The following WDR90 variants were observed in gnomAD, a reference collection of about 807,000 sequenced individuals.
WDR90 encodes WD repeat-containing protein 90.
WDR90 carries 238 observed loss-of-function variants against 195.2 expected under a neutral mutation model. The ratio of observed to expected loss-of-function variants is 1.22; its 90% CI spans 1.10 to 1.36. The LOEUF (loss-of-function observed/expected upper bound fraction) is 1.36. Ranked by LOEUF, WDR90 falls within the 40% of genes most tolerant of loss-of-function variation. The pLI is 0.00. For synonymous variants in WDR90, 1,265 were observed against 1,052.4 expected (o/e 1.20, Z -3.91); for missense variants, 2,734 against 2,439.5 (o/e 1.12, Z -2.54).
Position 655,064 on chromosome 16 carries a change from C to T in WDR90, c.1473C>T (p.Leu491=), listed in dbSNP as rs376735907. ...CCTGGGGCACCGGCCAGGTGGGCCT[C>T]GGTGGCGAGGTGGTCGTTCTGGCAA... is the stretch of plus-strand genomic sequence containing the variant. The part of the protein sequence containing the change: ...VVAWGTGQVG[L]GGEVVVLAKA... Residue 491 remains leucine (L), a synonymous_variant, in exon 14 of 41, where the codon CTC becomes CTT. Transcript: ENST00000293879. 60 of 1,612,618 alleles carry T rather than the reference C, an allele frequency of 3.7e-5. No homozygotes were observed. Among genetic ancestry groups the T allele is most frequent in the South Asian group, 1.3e-4 (12 of 91,084 alleles).
intron 13 of WDR90, 69 bp from the exon 14 acceptor site, chr16:654,960 C>T (rs930099020): frequency 1.1e-5 from 16 of 1,509,518 alleles, no homozygotes; most frequent in Middle Eastern, 1.7e-4. Context: ...TGGGGCTCGG[C>T]TGGGCCTTGC....
At position 652,457 on chromosome 16, in the gene WDR90, G is replaced by A. The variant is rs1397196365; in HGVS notation, c.1054-10G>A. 4 of 1,598,454 alleles carry A rather than the reference G, an allele frequency of 2.5e-6. No individual in the cohort carries two copies. Among genetic ancestry groups the A allele is most frequent in the Admixed American group, 3.5e-5 (2 of 57,720 alleles). On this transcript the variant is annotated splice_polypyrimidine_tract_variant and intron_variant, in intron 9 of 40. Transcript: ENST00000293879. ...GCCTCCCAGGACTTTGATGCGAATGGCTGTTTCAGGGCTTCCTCCCAGACC... is the reference window on the plus strand; with the variant it reads ...GCCTCCCAGGACTTTGATGCGAATGACTGTTTCAGGGCTTCCTCCCAGACC...
At chr16:649,510 C>T in intron 1 of WDR90, 84 bp downstream of exon 1, 1 of 1,271,122 alleles carries the variant, frequency 7.9e-7, no homozygotes, top group Non-Finnish European at 9.9e-7. Context: ...CGCTCAGGGC[C>T]CCCGCCTAGG....
At position 655,406 on chromosome 16, in the gene WDR90, GT is replaced by G. The variant is rs1460486495; in HGVS notation, c.1658del (p.Phe553SerfsTer238). ...ACTTAGGGGAGCACCACGCGCTGCA[GT>G]TCACCGACCTGGCCTTCAAGCAGGC... Reference protein sequence around the residue: ...VDLGEHHALQFTDLAFKQARD... With the variant: ...VDLGEHHALQXTDLAFKQARD... On this transcript the variant is annotated frameshift_variant, in exon 15 of 41. Transcript: ENST00000293879. LOFTEE classifies it high-confidence loss of function. 1 of 1,592,400 alleles carries G rather than the reference GT, an allele frequency of 6.3e-7. No homozygotes were observed. Among genetic ancestry groups the G allele is most frequent in the Non-Finnish European group, 8.5e-7 (1 of 1,174,728 alleles).
Position 666,986 on chromosome 16 carries a change from G to A in WDR90, c.5086G>A (p.Ala1696Thr), listed in dbSNP as rs2038092962. The A allele has an allele frequency of 1.3e-6, 2 of 1,591,722 alleles. No homozygotes were observed. Among genetic ancestry groups the A allele is most frequent in the Non-Finnish European group, 1.7e-6 (2 of 1,169,020 alleles). Reference sequence around the variant, plus strand: ...GACCCACCTCCTGGCTGTTGGCTTTGCTGGTGAGTGCTGGTGGATGCAGTT... The same window carrying A: ...GACCCACCTCCTGGCTGTTGGCTTTACTGGTGAGTGCTGGTGGATGCAGTT... Reference protein sequence around the residue: ...PGTHLLAVGFAECMLRLVDCA... With the variant: ...PGTHLLAVGFTECMLRLVDCA... Residue 1696 changes from alanine (A) to threonine (T), a missense_variant, in exon 40 of 41, where the codon GCT (alanine) becomes ACT (threonine). Physicochemically the swap from Ala to Thr is moderately conservative, Grantham distance 58 (BLOSUM62 0). Coordinates refer to ENST00000293879, the MANE Select transcript of WDR90 (RefSeq NM_145294.5).
intron 34 of WDR90, 143 bp from the exon 35 acceptor site, chr16:665,536 T>C (rs1256961868): frequency 7.3e-7 from 1 of 1,373,558 alleles, no homozygotes; most frequent in Non-Finnish European, 1.0e-6. Flanking sequence ...CATTGCTCCT[T>C]TCCGCCATGT....
At position 651,712 on chromosome 16, in the gene WDR90, G is replaced by T. The variant is rs751257140; in HGVS notation, c.805G>T (p.Val269Leu). 332 of 1,613,020 alleles carry T rather than the reference G, an allele frequency of 2.1e-4. No homozygotes were observed. Among genetic ancestry groups the T allele is most frequent in the Non-Finnish European group, 2.7e-4 (318 of 1,180,020 alleles). Residue 269 changes from valine to leucine, a missense_variant, in exon 8 of 41, where the codon GTG becomes TTG. Coordinates refer to ENST00000293879, the MANE Select transcript of WDR90 (RefSeq NM_145294.5). The stretch of plus-strand genomic sequence containing the variant: ...CTCCAGCAAACCTGTGCGGTTCAGT[G>T]TGTCTCCAGTGGTCCAGACGCCCAG... ...VASSKPVRFS[V>L]SPVVQTPSPT...
chr16:649,207 G>A (rs1003565522), upstream of WDR90: 12 of 474,490 alleles, frequency 2.5e-5, no homozygotes, highest in East Asian at 4.3e-4. Flanking sequence ...GGGGCAAAGG[G>A]CAGCGGGATT....
In WDR90 at chr16:650,094, G is replaced by A. The variant is rs757760965; in HGVS notation, c.206G>A (p.Gly69Glu). Residue 69 changes from glycine to glutamate, a missense_variant, in exon 3 of 41, where the codon GGA (glycine) becomes GAA (glutamate). By Grantham distance (98) the Gly-to-Glu change is moderately conservative. Coordinates refer to ENST00000293879, the MANE Select transcript of WDR90 (RefSeq NM_145294.5). ...AGCACCCAGTCTCTGGGGCTGACGG[G>A]ACGATACCTGTATGTGCTCTTTCGG... ...KSSTQSLGLT[G>E]RYLYVLFRPL... is the part of the protein sequence containing the mutation. The A allele has an allele frequency of 7.4e-6, 12 of 1,612,976 alleles. No individual in the cohort carries two copies. In the Admixed American group the frequency reaches 2.0e-4, roughly 27 times the overall value.
chr16:663,023 C>G lies in WDR90; in HGVS notation c.4311+179C>G, dbSNP rs1036930613. The G allele has an allele frequency of 1.3e-5, 12 of 954,536 alleles. No individual in the cohort carries two copies. In the African/African-American group the frequency reaches 2.0e-4, roughly 16 times the overall value. The allele number at this position is 954,536 out of a possible 1,614,324, so 59.1% of individuals were successfully genotyped here. Reference sequence around the variant, plus strand: ...TGTGCACGTCCCCTCAAAGCCGTCCCGGTTGTGTCTGCACAAGCGAGCCGC... The same window carrying G: ...TGTGCACGTCCCCTCAAAGCCGTCCGGGTTGTGTCTGCACAAGCGAGCCGC... On this transcript the variant is annotated intron_variant, in intron 34 of 40. Transcript: ENST00000293879.
At position 666,434 on chromosome 16, in the gene WDR90, C is replaced by A. The variant is rs543242792; in HGVS notation, c.4741-21C>A. The A allele has an allele frequency of 7.5e-6, 12 of 1,608,860 alleles. No individual in the cohort carries two copies. In the South Asian group the frequency reaches 1.2e-4, roughly 16 times the overall value. On this transcript the variant is annotated intron_variant, in intron 37 of 40. Coordinates refer to ENST00000293879, the MANE Select transcript of WDR90 (RefSeq NM_145294.5). ...ATCTTGGCAGAAGGCACCTGTCGGC[C>A]CTCACCCACTCCATTCCCAGTGTGA...
rs377544293 is a variant in WDR90 at position 655,050 on chromosome 16, G to A, written c.1459G>A (p.Gly487Ser). Residue 487 changes from glycine (G) to serine (S), a missense_variant, in exon 14 of 41, where the codon GGC (glycine) becomes AGC (serine). Transcript: ENST00000293879. Reference protein sequence around the residue: ...GRTMVVAWGTGQVGLGGEVVV... With the variant: ...GRTMVVAWGTSQVGLGGEVVV... Reference sequence around the variant, plus strand: ...GCAGATGGTGGTGGCCTGGGGCACCGGCCAGGTGGGCCTCGGTGGCGAGGT... The same window carrying A: ...GCAGATGGTGGTGGCCTGGGGCACCAGCCAGGTGGGCCTCGGTGGCGAGGT... 3.5e-5 allele frequency: 56 copies of A among 1,612,664 alleles called. No individual in the cohort carries two copies. Among genetic ancestry groups the A allele is most frequent in the African/African-American group, 3.5e-4 (26 of 75,052 alleles).
Position 667,607 on chromosome 16 carries a change from G to T in WDR90, c.*18G>T. On this transcript the variant is annotated 3_prime_UTR_variant, in exon 41 of 41. Transcript: ENST00000293879. Reference sequence around the variant, plus strand: ...GCCTCTGAGATGCAGCAGGGACTGTGGTGGTGGGCATCACGCCTGGTCATG... The same window carrying T: ...GCCTCTGAGATGCAGCAGGGACTGTTGTGGTGGGCATCACGCCTGGTCATG... 1 of 1,603,828 alleles carries T rather than the reference G, an allele frequency of 6.2e-7. No individual in the cohort carries two copies. The highest frequency in any genetic ancestry group is 8.5e-7 in the Non-Finnish European group (1 of 1,179,874).
In WDR90 at chr16:661,100, C is replaced by T. The variant is rs759798517; in HGVS notation, c.3441C>T (p.His1147=). ...GCCTGGTGGTGGTGGAGGACCTGCA[C>T]TCTGGCGCCCAGCAGCACTGGTCCG... The part of the protein sequence containing the change: ...CGRLVVVEDL[H]SGAQQHWSGH... Residue 1147 remains histidine (H), a synonymous_variant, in exon 29 of 41, where the codon CAC becomes CAT. Coordinates refer to ENST00000293879, the MANE Select transcript of WDR90 (RefSeq NM_145294.5). 7.0e-6 allele frequency: 11 copies of T among 1,563,776 alleles called. No homozygotes were observed. The highest frequency in any genetic ancestry group is 3.4e-6 in the Non-Finnish European group (4 of 1,162,892).
In WDR90 at chr16:656,436, G is replaced by T. The variant is rs199805518; in HGVS notation, c.2101G>T (p.Ala701Ser). 6.2e-7 allele frequency: 1 copy of T among 1,602,108 alleles called. No homozygotes were observed. Among genetic ancestry groups the T allele is most frequent in the Non-Finnish European group, 8.5e-7 (1 of 1,177,200 alleles). ...CCACATGCTGGCTCGCTCCCACACC[G>T]CCCCGGTGTTGGCCCTCGCCATGGA... is the stretch of plus-strand genomic sequence containing the variant. ...VYHMLARSHT[A>S]PVLALAMEQR... is the part of the protein sequence containing the mutation. Residue 701 changes from alanine to serine, a missense_variant, in exon 18 of 41, where the codon GCC (alanine) becomes TCC (serine). Ala to Ser is a moderately conservative substitution (Grantham distance 99, BLOSUM62 1). Transcript: ENST00000293879.
chr16:658,773 C>T lies in WDR90; in HGVS notation c.2895+120C>T, dbSNP rs917214941. 5.8e-6 allele frequency: 9 copies of T among 1,552,788 alleles called. No homozygotes were observed. In the East Asian group the frequency reaches 1.1e-4, roughly 20 times the overall value. ...AGAAGGTGAGGGGTGAGAGTGACCC[C>T]CCAAGGATCCTCTGTGCCTCCGGGG... On this transcript the variant is annotated intron_variant, in intron 23 of 40. Coordinates refer to ENST00000293879, the MANE Select transcript of WDR90 (RefSeq NM_145294.5).
chr16:662,421 G>C, intron 33 of WDR90, 90 bp downstream of exon 33: 1 of 1,472,880 alleles, frequency 6.8e-7, no homozygotes, highest in Non-Finnish European at 9.1e-7. Flanking sequence ...CCCCGCAAAG[G>C]CCGCCCTGCA....
chr16:658,789 G>A lies in WDR90; in HGVS notation c.2896-107G>A, dbSNP rs1244449094. Reference sequence around the variant, plus strand: ...GAGTGACCCCCCAAGGATCCTCTGTGCCTCCGGGGCCTCACACTGTGTGGG... The same window carrying A: ...GAGTGACCCCCCAAGGATCCTCTGTACCTCCGGGGCCTCACACTGTGTGGG... On this transcript the variant is annotated intron_variant, in intron 23 of 40. Transcript: ENST00000293879. 8.4e-6 allele frequency: 13 copies of A among 1,553,258 alleles called. No homozygotes were observed. The East Asian group carries it at 9.1e-5, about 11-fold the overall frequency.
rs1243671963 is a variant in WDR90, at chr16:649,748, G to T, written c.11-15G>T. ...GTGGCCGAGTCCCCTGACGCCCGGC[G>T]CCCGCTCCCCGCAGCGTGGCAGCAC... On this transcript the variant is annotated splice_polypyrimidine_tract_variant and intron_variant, in intron 1 of 40. Coordinates refer to ENST00000293879, the MANE Select transcript of WDR90 (RefSeq NM_145294.5). 39 of 1,547,748 alleles carry T rather than the reference G, an allele frequency of 2.5e-5. No homozygotes were observed. The highest frequency in any genetic ancestry group is 3.0e-5 in the Non-Finnish European group (34 of 1,146,390).
Sources: gnomAD v4.1 joint callset for allele counts on GRCh38, gnomAD v4.1.1 for gene constraint, MANE v1.5 for transcripts, NCBI Gene and HGNC (gene_info 2026-07-23, HGNC 2026-07-21) for gene names.